Variants in EPHA6 observed in about 807,000 individuals in gnomAD.
EPHA6 encodes the protein ephrin type-A receptor 6.
In EPHA6, 50 loss-of-function variants were observed where a neutral mutation model predicts 112.0. The ratio of observed to expected loss-of-function variants is 0.45; its 90% confidence interval spans 0.36 to 0.56. The LOEUF (loss-of-function observed/expected upper bound fraction) is 0.56, where lower values mean the gene tolerates loss of function less well. Among genes scored for constraint, EPHA6 ranks in the 20% least tolerant of loss-of-function variants. EPHA6 has a pLI of 0.00. For missense variants in EPHA6, 1,280 were observed against 1,417.4 expected (o/e 0.90, Z 1.56); for synonymous variants, 529 against 490.7 (o/e 1.08, Z -1.03).
intron 12 of EPHA6, among the ~76,000 whole-genome samples, chr3:97,598,357 T>C (rs2093612294): frequency 6.6e-6 from 1 of 150,736 alleles, no homozygotes; most frequent in African/African-American, 2.4e-5. Context: ...GCTGGTGCGC[T>C]GCACCCACTA....
chr3:97,481,265 GA>G, intron 9 of EPHA6: 1 of 1,482,774 alleles, frequency 6.7e-7, no homozygotes, highest in Non-Finnish European at 9.4e-7. Flanking sequence ...ACCAGGAATT[GA>G]ATAAATAATG....
chr3:97,378,086 T>G (rs1235243405), intron 5 of EPHA6, among the ~76,000 whole-genome samples: 1 of 152,054 alleles, frequency 6.6e-6, no homozygotes, highest in Admixed American at 6.5e-5. Context: ...GACTTGGAGA[T>G]CTAGAAGGAA....
At chr3:97,471,149 G>A (rs1017363794) in intron 7 of EPHA6, among the ~76,000 whole-genome samples, 3 of 151,644 alleles carry the variant, frequency 2.0e-5, no homozygotes, top group Non-Finnish European at 4.4e-5. Context: ...TTGCTTATTT[G>A]TTTCTTTAAG....
At chr3:97,526,449 GGA>G (rs2092621191) in intron 10 of EPHA6, among the ~76,000 whole-genome samples, 1 of 148,014 alleles carries the variant, frequency 6.8e-6, no homozygotes, top group Admixed American at 6.8e-5. Context: ...AATCTGCTGT[GGA>G]ACTGATGTTG....
intron 6 of EPHA6, among the ~76,000 whole-genome samples, chr3:97,443,041 A>G (rs1334280012): frequency 6.6e-6 from 1 of 152,136 alleles, no homozygotes; most frequent in Non-Finnish European, 1.5e-5. Flanking sequence ...TTATCCAGGC[A>G]AAATACCTTT....
chr3:97,033,455 G>A (rs1469296115), intron 3 of EPHA6, among the ~76,000 whole-genome samples: 2 of 151,892 alleles, frequency 1.3e-5, no homozygotes, highest in African/African-American at 2.4e-5. Flanking sequence ...ATATATCATG[G>A]ATCTTTAAGA....
chr3:97,100,159 A>G (rs2047360376), intron 3 of EPHA6, among the ~76,000 whole-genome samples: 2 of 151,634 alleles, frequency 1.3e-5, no homozygotes, highest in East Asian at 1.9e-4. Flanking sequence ...TCACTTCAAA[A>G]TTTAATTTCA....
chr3:97,204,214 A>G (rs2077654959), intron 3 of EPHA6, among the ~76,000 whole-genome samples: 2 of 152,238 alleles, frequency 1.3e-5, no homozygotes, highest in African/African-American at 2.4e-5. Context: ...ATAGTTATAC[A>G]TTCTCCAAAT....
intron 3 of EPHA6, among the ~76,000 whole-genome samples, chr3:97,163,598 A>AT (rs1197713718): frequency 6.6e-6 from 1 of 152,092 alleles, no homozygotes; most frequent in Non-Finnish European, 1.5e-5. Context: ...GTAAAGAGGG[A>AT]TAGTGGTGAT....
intron 14 of EPHA6, among the ~76,000 whole-genome samples, chr3:97,671,169 C>T (rs967203136): frequency 9.9e-5 from 15 of 152,034 alleles, no homozygotes; most frequent in South Asian, 6.2e-4. Flanking sequence ...TAAACTTGGC[C>T]GGTCTGTATC....
At chr3:97,266,251 T>C (rs899871604) in intron 5 of EPHA6, among the ~76,000 whole-genome samples, 1 of 152,180 alleles carries the variant, frequency 6.6e-6, no homozygotes, top group Non-Finnish European at 1.5e-5. Context: ...CATGCATACA[T>C]AAAATTAAAA....
At chr3:97,641,273 A>C (rs9831952) in intron 14 of EPHA6, among the ~76,000 whole-genome samples, 2 of 152,222 alleles carry the variant, frequency 1.3e-5, no homozygotes, top group Admixed American at 1.3e-4. Flanking sequence ...ATTTTAGAGC[A>C]TTCTATGAAT....
At chr3:96,913,653 A>G (rs2039343783) in intron 2 of EPHA6, among the ~76,000 whole-genome samples, 1 of 152,134 alleles carries the variant, frequency 6.6e-6, no homozygotes, top group South Asian at 2.1e-4. Context: ...GCATCATAAG[A>G]TAGTAAGATC....
chr3:97,466,606 T>C, intron 7 of EPHA6: 1 of 641,958 alleles, frequency 1.6e-6, no homozygotes, highest in South Asian at 2.0e-5. Flanking sequence ...TTCAGTATTC[T>C]CATGTATTTG....
At chr3:96,913,939 G>A (rs2039358162) in intron 2 of EPHA6, among the ~76,000 whole-genome samples, 2 of 152,136 alleles carry the variant, frequency 1.3e-5, no homozygotes. Context: ...GATGTGGTAT[G>A]TGACTAATAG....
At chr3:96,965,989 C>A (rs2042110445) in intron 2 of EPHA6, among the ~76,000 whole-genome samples, 1 of 151,928 alleles carries the variant, frequency 6.6e-6, no homozygotes, top group Admixed American at 6.6e-5. Flanking sequence ...GTTCCATGAT[C>A]TATTTCTCTG....
intron 3 of EPHA6, among the ~76,000 whole-genome samples, chr3:97,207,219 TA>T (rs998490742): frequency 1.3e-5 from 2 of 152,128 alleles, no homozygotes; most frequent in African/African-American, 2.4e-5. Flanking sequence ...TGACTGAATA[TA>T]AAAAAATTGG....
At chr3:97,403,044 A>G (rs564367778) in intron 5 of EPHA6, among the ~76,000 whole-genome samples, 4 of 152,138 alleles carry the variant, frequency 2.6e-5, no homozygotes, top group South Asian at 2.1e-4. Flanking sequence ...TTTATAATGT[A>G]ACTTCTAACT....
intron 3 of EPHA6, among the ~76,000 whole-genome samples, chr3:97,082,372 G>C (rs1304636529): frequency 6.6e-6 from 1 of 151,810 alleles, no homozygotes; most frequent in Non-Finnish European, 1.5e-5. Flanking sequence ...TATTTCATTT[G>C]ATTTTTATAT....
Sources: gnomAD v4.1 joint callset for allele counts (sites outside exome capture counted in the v4.1 genomes callset) on GRCh38, gnomAD v4.1.1 for gene constraint, MANE v1.5 for transcripts, NCBI Gene and HGNC (gene_info 2026-07-23, HGNC 2026-07-21) for gene names.